BTBD10: variants seen among roughly 807,000 people sequenced by gnomAD.
The protein encoded by BTBD10 is BTB/POZ domain-containing protein 10.
In BTBD10, 21 loss-of-function variants were observed where a neutral mutation model predicts 53.2. That is an observed-to-expected ratio of 0.39 (90% CI 0.28 to 0.57). The LOEUF is 0.57. BTBD10 is among the 20% of genes least tolerant of loss of function. The probability of loss-of-function intolerance (pLI) is 0.53; values close to 1 mark genes in which losing one functional copy is unlikely to be tolerated. For synonymous variants in BTBD10, 149 were observed against 192.7 expected (o/e 0.77, Z 1.88); for missense variants, 360 against 594.7 (o/e 0.61, Z 4.10).
chr11:13,440,605 A>G (rs1297251477), intron 2 of BTBD10, among the ~76,000 whole-genome samples: 1 of 152,220 alleles, frequency 6.6e-6, no homozygotes, highest in Admixed American at 6.5e-5. Context: ...TTGCATTTCT[A>G]AACTGCTGCT....
intron 2 of BTBD10, among the ~76,000 whole-genome samples, chr11:13,443,343 CAAT>C (rs1565266774): frequency 6.6e-6 from 1 of 151,818 alleles, no homozygotes; most frequent in Non-Finnish European, 1.5e-5. Flanking sequence ...AATGAAACAA[CAAT>C]AATGAAAAAT....
At chr11:13,413,759 A>C (rs1197508348) in intron 5 of BTBD10, 109 bp from the exon 6 acceptor site, 2 of 1,042,954 alleles carry the variant, frequency 1.9e-6, no homozygotes, top group African/African-American at 3.3e-5. Flanking sequence ...GAGAACTCTG[A>C]CATCTCTGAA....
intron 8 of BTBD10, among the ~76,000 whole-genome samples, chr11:13,400,612 C>G (rs1397558388): frequency 6.6e-6 from 1 of 152,246 alleles, no homozygotes; most frequent in Non-Finnish European, 1.5e-5. Flanking sequence ...GTTGGAAATG[C>G]AGAAATCACC....
chr11:13,410,605 T>G (rs953033037), intron 6 of BTBD10, among the ~76,000 whole-genome samples: 1 of 152,052 alleles, frequency 6.6e-6, no homozygotes, highest in Non-Finnish European at 1.5e-5. Flanking sequence ...TCTAGCCAAT[T>G]TGACAGGACA....
chr11:13,454,888 T>G (rs553170842), intron 1 of BTBD10, among the ~76,000 whole-genome samples: 2 of 152,174 alleles, frequency 1.3e-5, no homozygotes, highest in East Asian at 1.9e-4. Context: ...TAGGATCTGT[T>G]GTTTATTTAT....
chr11:13,397,065 T>C (rs973788864), intron 8 of BTBD10, among the ~76,000 whole-genome samples: 1 of 152,246 alleles, frequency 6.6e-6, no homozygotes, highest in Admixed American at 6.5e-5. Context: ...TAAAATGAGT[T>C]AGGAAAGATT....
intron 8 of BTBD10, among the ~76,000 whole-genome samples, chr11:13,402,109 A>G (rs1044382924): frequency 6.6e-6 from 1 of 152,202 alleles, no homozygotes; most frequent in African/African-American, 2.4e-5. Context: ...TTTACAAAGT[A>G]ATGAACTAGG....
intron 8 of BTBD10, among the ~76,000 whole-genome samples, chr11:13,400,388 C>T (rs926248089): frequency 1.2e-4 from 19 of 152,200 alleles, no homozygotes; most frequent in African/African-American, 4.3e-4. Context: ...TTGTGAAGCC[C>T]GTTGGAAAAG....
intron 2 of BTBD10, among the ~76,000 whole-genome samples, chr11:13,442,938 G>T (rs1173360689): frequency 1.3e-5 from 2 of 152,084 alleles, no homozygotes; most frequent in Non-Finnish European, 2.9e-5. Flanking sequence ...TCCTTGGGCA[G>T]ATTTTCCATG....
intron 2 of BTBD10, among the ~76,000 whole-genome samples, chr11:13,431,672 T>G (rs1377927649): frequency 6.6e-6 from 1 of 152,208 alleles, no homozygotes; most frequent in Non-Finnish European, 1.5e-5. Context: ...CTATTGCTTC[T>G]TGGCCTTTTG....
chr11:13,440,159 T>C, intron 2 of BTBD10: 2 of 1,488,822 alleles, frequency 1.3e-6, no homozygotes, highest in Non-Finnish European at 1.8e-6. Flanking sequence ...TTGCAATATT[T>C]AGGCTTTAAA....
At chr11:13,448,555 T>C (rs567424688) in intron 1 of BTBD10, among the ~76,000 whole-genome samples, 1 of 152,310 alleles carries the variant, frequency 6.6e-6, no homozygotes, top group African/African-American at 2.4e-5. Flanking sequence ...TTTGAAGTCA[T>C]CCTTGACTTC....
chr11:13,405,710 C>T lies in BTBD10; in HGVS notation c.955G>A (p.Val319Ile). The change falls in exon 7 of 9, where the codon GTT becomes ATT. Residue 319 changes from valine (V) to isoleucine (I), a missense_variant. Transcript: ENST00000278174. ...HIVVLTDDDV[V>I]DWDEEYPPQM... ...GGTGGATATTCTTCATCCCAATCAACCACATCATCATCTGTAAGCACCACT... is the reference window on the plus strand; with the variant it reads ...GGTGGATATTCTTCATCCCAATCAATCACATCATCATCTGTAAGCACCACT... 1 of 1,613,676 alleles carries T rather than the reference C, an allele frequency of 6.2e-7. No homozygotes were observed. The highest frequency in any genetic ancestry group is 1.1e-5 in the South Asian group (1 of 91,058).
At chr11:13,439,076 A>C (rs1950598517) in intron 2 of BTBD10, among the ~76,000 whole-genome samples, 1 of 152,088 alleles carries the variant, frequency 6.6e-6, no homozygotes, top group Non-Finnish European at 1.5e-5. Context: ...AATGTTATAA[A>C]CCATATAAAT....
intron 2 of BTBD10, among the ~76,000 whole-genome samples, chr11:13,427,186 C>T (rs1478092175): frequency 6.6e-6 from 1 of 152,032 alleles, no homozygotes; most frequent in African/African-American, 2.4e-5. Context: ...CACTGCACTA[C>T]AGCCTGGGCA....
chr11:13,396,344 T>G lies in BTBD10; in HGVS notation c.1117+6824A>C, dbSNP rs191605012. 2.6e-3 allele frequency among the ~76,000 whole-genome samples: 400 copies of G among 152,332 alleles called. 3 individuals are homozygous for G. The highest frequency in any genetic ancestry group is 8.9e-3 in the African/African-American group (370 of 41,570). On this transcript the variant is annotated intron_variant, in intron 8 of 8. Transcript: ENST00000278174. ...CTCATGATTTGGCTCTCTGTTTGTC[T>G]GTTATTGGTGTATAAGAATGCTTGT...
At chr11:13,448,142 A>G (rs1368840746) in intron 1 of BTBD10, among the ~76,000 whole-genome samples, 3 of 152,298 alleles carry the variant, frequency 2.0e-5, no homozygotes, top group Non-Finnish European at 4.4e-5. Flanking sequence ...GCCAATATGC[A>G]AGGTGCTGAA....
chr11:13,455,158 C>G (rs1342632847), intron 1 of BTBD10, among the ~76,000 whole-genome samples: 1 of 152,212 alleles, frequency 6.6e-6, no homozygotes, highest in Non-Finnish European at 1.5e-5. Context: ...AGTGATCTGC[C>G]TGCCTTGGCC....
intron 2 of BTBD10, among the ~76,000 whole-genome samples, chr11:13,429,809 G>C (rs1273004940): frequency 1.3e-5 from 2 of 152,158 alleles, no homozygotes; most frequent in Admixed American, 6.5e-5. Context: ...ACAGTGTTAA[G>C]AGAATGAAAA....
Sources: allele counts gnomAD v4.1 joint callset (sites outside exome capture counted in the v4.1 genomes callset), GRCh38; gene constraint gnomAD v4.1.1; transcripts MANE v1.5; gene names NCBI Gene and HGNC (gene_info 2026-07-23, HGNC 2026-07-21).